GJB7: variants seen among roughly 807,000 people sequenced by gnomAD.
GJB7 encodes the protein gap junction beta-7 protein.
For missense variants in GJB7, 253 were observed against 256.8 expected (o/e 0.99, Z 0.10); for synonymous variants, 87 against 95.2 (o/e 0.91, Z 0.50).
chr6:87,291,940 C>T (rs760567530), intron 2 of GJB7: 2 of 152,206 alleles, frequency 1.3e-5, no homozygotes, highest in Non-Finnish European at 2.9e-5. Flanking sequence ...TACCTCTTTA[C>T]ACAGATGTGG....
At chr6:87,310,358 G>A (rs1283619562) in intron 2 of GJB7, among the ~76,000 whole-genome samples, 1 of 152,100 alleles carries the variant, frequency 6.6e-6, no homozygotes, top group Non-Finnish European at 1.5e-5. Context: ...TTAAAATTAA[G>A]AACTTGTTAA....
chr6:87,283,980 G>T lies in GJB7; in HGVS notation c.*261C>A. ...CCTACAACAAAACAATGAGACCTCT[G>T]TCTAGAGCTCATAACTGAAAGCATA... On this transcript the variant is annotated 3_prime_UTR_variant, in exon 3 of 3. Coordinates refer to ENST00000525899, the MANE Select transcript of GJB7 (RefSeq NM_198568.3). The T allele has an allele frequency of 2.4e-6, 1 of 418,826 alleles. No homozygotes were observed. The highest frequency in any genetic ancestry group is 4.3e-6 in the Non-Finnish European group (1 of 230,450). The allele number at this position is 418,826 out of a possible 1,614,324, so 25.9% of individuals were successfully genotyped here.
At chr6:87,309,202 T>C (rs1490633689) in intron 2 of GJB7, among the ~76,000 whole-genome samples, 1 of 152,320 alleles carries the variant, frequency 6.6e-6, no homozygotes, top group Non-Finnish European at 1.5e-5. Context: ...TTGCTCTACA[T>C]TCTCCTGGAT....
chr6:87,307,382 A>G (rs951190017), intron 2 of GJB7, among the ~76,000 whole-genome samples: 3 of 152,136 alleles, frequency 2.0e-5, no homozygotes, highest in African/African-American at 7.2e-5. Context: ...AATGAGATCT[A>G]ATTAAACTAA....
intron 1 of GJB7, among the ~76,000 whole-genome samples, chr6:87,326,461 T>G (rs992160663): frequency 3.3e-5 from 5 of 152,310 alleles, no homozygotes; most frequent in African/African-American, 7.2e-5. Context: ...ATTCTGGTAT[T>G]TTGTGTCTTT....
chr6:87,322,652 GTGT>G (rs1355019061), intron 2 of GJB7: 1 of 152,360 alleles, frequency 6.6e-6, no homozygotes, highest in Non-Finnish European at 1.5e-5. Context: ...GGCTTCGGTG[GTGT>G]TGAGTGGCTG....
At chr6:87,304,404 C>T (rs190419172) in intron 2 of GJB7, among the ~76,000 whole-genome samples, 41 of 152,294 alleles carry the variant, frequency 2.7e-4, no homozygotes, top group African/African-American at 9.9e-4. Flanking sequence ...CACCTCTATA[C>T]AAATAAACTA....
intron 2 of GJB7, among the ~76,000 whole-genome samples, chr6:87,321,243 AAG>A (rs1229626633): frequency 4.6e-5 from 7 of 151,700 alleles, no homozygotes; most frequent in Admixed American, 2.6e-4. Context: ...AAAAAAAAAA[AAG>A]ATCTAGTAAG....
rs569828343 is a variant in GJB7, at chr6:87,306,939, C to T, written c.-28+15927G>A. 5.3e-5 allele frequency among the ~76,000 whole-genome samples: 8 copies of T among 152,152 alleles called. No homozygotes were observed. The South Asian group carries it at 1.5e-3, about 28-fold the overall frequency. On this transcript the variant is annotated intron_variant, in intron 2 of 2. Coordinates refer to ENST00000525899, the MANE Select transcript of GJB7 (RefSeq NM_198568.3). ...TATCGCAAGAACAAGAAACCAAACG[C>T]TGCATATTCTCACTCATAGGTGGGA...
chr6:87,294,111 T>C (rs1420067544), intron 2 of GJB7, among the ~76,000 whole-genome samples: 2 of 152,042 alleles, frequency 1.3e-5, no homozygotes, highest in Non-Finnish European at 2.9e-5. Context: ...TAATAGAAAA[T>C]AACACCATAT....
At chr6:87,323,274 A>T (rs1304363250) in intron 1 of GJB7, among the ~76,000 whole-genome samples, 1 of 151,690 alleles carries the variant, frequency 6.6e-6, no homozygotes, top group Non-Finnish European at 1.5e-5. Context: ...TGTTTTGTTT[A>T]TTTATTTATT....
chr6:87,306,909 T>G (rs927172888), intron 2 of GJB7, among the ~76,000 whole-genome samples: 3 of 152,044 alleles, frequency 2.0e-5, no homozygotes, highest in Non-Finnish European at 4.4e-5. Context: ...TCATTCTCAG[T>G]GAACTATCGC....
At chr6:87,307,063 T>C (rs1034675070) in intron 2 of GJB7, among the ~76,000 whole-genome samples, 1 of 151,974 alleles carries the variant, frequency 6.6e-6, no homozygotes, top group African/African-American at 2.4e-5. Flanking sequence ...TTAGGAGACA[T>C]ACCTAATGCT....
chr6:87,299,158 T>C, intron 2 of GJB7: 1 of 459,682 alleles, frequency 2.2e-6, no homozygotes, highest in Non-Finnish European at 4.3e-6. Context: ...TTAGCAAAAG[T>C]GCTAATCCTG....
At chr6:87,307,668 A>C (rs886946470) in intron 2 of GJB7, among the ~76,000 whole-genome samples, 1 of 152,190 alleles carries the variant, frequency 6.6e-6, no homozygotes, top group African/African-American at 2.4e-5. Flanking sequence ...AATCAAAACC[A>C]CAGTGAGATA....
chr6:87,302,945 G>A (rs1562212446), intron 2 of GJB7, among the ~76,000 whole-genome samples: 1 of 152,164 alleles, frequency 6.6e-6, no homozygotes, highest in Non-Finnish European at 1.5e-5. Flanking sequence ...ATAAGTGAAG[G>A]AGAAATAAAA....
intron 2 of GJB7, among the ~76,000 whole-genome samples, chr6:87,285,467 C>T (rs1776043893): frequency 6.6e-6 from 1 of 152,148 alleles, no homozygotes; most frequent in Admixed American, 6.5e-5. Context: ...CTCAGCTTGC[C>T]ACCAATTTGA....
chr6:87,314,319 C>T (rs183272678), intron 2 of GJB7, among the ~76,000 whole-genome samples: 9 of 152,312 alleles, frequency 5.9e-5, no homozygotes, highest in East Asian at 1.9e-4. Context: ...AAGCCTCACA[C>T]GGGCCCCTCT....
chr6:87,291,030 A>G, intron 2 of GJB7, among the ~76,000 whole-genome samples: 1 of 152,234 alleles, frequency 6.6e-6, no homozygotes, highest in East Asian at 1.9e-4. Context: ...GAAGCCTGCT[A>G]GTAGTTTGAT....
Sources: allele counts gnomAD v4.1 joint callset (sites outside exome capture counted in the v4.1 genomes callset), GRCh38; gene constraint gnomAD v4.1.1; transcripts MANE v1.5; gene names NCBI Gene and HGNC (gene_info 2026-07-23, HGNC 2026-07-21).